The following GSTCD variants were observed in gnomAD, a reference collection of about 807,000 sequenced individuals.
The protein encoded by GSTCD is glutathione S-transferase C-terminal domain containing.
GSTCD carries 44 observed loss-of-function variants against 68.3 expected under a neutral mutation model. The ratio of observed to expected loss-of-function variants is 0.64; its 90% confidence interval spans 0.51 to 0.83. The LOEUF (loss-of-function observed/expected upper bound fraction) is 0.83, where lower values mean the gene tolerates loss of function less well. GSTCD is among the 40% of genes least tolerant of loss of function. The pLI is 0.00. For synonymous variants in GSTCD, 273 were observed against 255.2 expected (o/e 1.07, Z -0.67); for missense variants, 739 against 735.9 (o/e 1.00, Z -0.05).
intron 5 of GSTCD, among the ~76,000 whole-genome samples, chr4:105,739,149 A>G (rs1427911034): frequency 6.6e-6 from 1 of 152,174 alleles, no homozygotes; most frequent in Admixed American, 6.5e-5. Flanking sequence ...ATTGATTTGC[A>G]TATGTTGAAT....
chr4:105,832,695 T>C lies in GSTCD; in HGVS notation c.1531-1766T>C, dbSNP rs79610228. Among the ~76,000 whole-genome samples the C allele has an allele frequency of 1.0e-3, 155 of 152,290 alleles. 2 individuals are homozygous for C. The East Asian group carries it at 0.027, about 27-fold the overall frequency. On this transcript the variant is annotated intron_variant, in intron 8 of 11. Coordinates refer to ENST00000515279, the MANE Select transcript of GSTCD (RefSeq NM_001370181.1). ...TCTAAATTGGAGATAATAAAGTCTT[T>C]CAGGGATGTTGTGAGCATAGTTCTG...
At chr4:105,769,921 T>A (rs1417912113) in intron 5 of GSTCD, among the ~76,000 whole-genome samples, 11 of 152,092 alleles carry the variant, frequency 7.2e-5, no homozygotes, top group Non-Finnish European at 2.9e-5. Context: ...GCCTGCCTAA[T>A]TTTTAAAAAA....
chr4:105,812,664 T>G (rs974373239), intron 5 of GSTCD, among the ~76,000 whole-genome samples: 1 of 152,150 alleles, frequency 6.6e-6, no homozygotes, highest in Non-Finnish European at 1.5e-5. Context: ...TATATATATT[T>G]TTTTTACTAA....
chr4:105,743,815 C>A (rs956353381), intron 5 of GSTCD, among the ~76,000 whole-genome samples: 6 of 151,756 alleles, frequency 4.0e-5, no homozygotes, highest in African/African-American at 1.5e-4. Flanking sequence ...CCCGCCACCA[C>A]GCCCGGCTAA....
chr4:105,771,132 G>A (rs1734829417), intron 5 of GSTCD, among the ~76,000 whole-genome samples: 1 of 151,670 alleles, frequency 6.6e-6, no homozygotes, highest in Non-Finnish European at 1.5e-5. Flanking sequence ...GTGATGATGA[G>A]TTTTTTTTCC....
intron 11 of GSTCD, among the ~76,000 whole-genome samples, chr4:105,843,944 A>T (rs777111437): frequency 1.3e-5 from 2 of 152,118 alleles, no homozygotes; most frequent in Non-Finnish European, 2.9e-5. Context: ...AACGGGGGGA[A>T]TCACATTGAG....
chr4:105,843,382 T>G (rs946383824), intron 11 of GSTCD: 2 of 152,224 alleles, frequency 1.3e-5, no homozygotes, highest in Non-Finnish European at 1.5e-5. Context: ...CAAATACACA[T>G]TTGATGAGAC....
At chr4:105,792,180 A>T (rs2149256255) in intron 5 of GSTCD, among the ~76,000 whole-genome samples, 1 of 152,152 alleles carries the variant, frequency 6.6e-6, no homozygotes, top group South Asian at 2.1e-4. Flanking sequence ...AAAAAATATG[A>T]TGTCAATAAA....
chr4:105,742,589 A>C (rs1271875018), intron 5 of GSTCD, among the ~76,000 whole-genome samples: 1 of 152,212 alleles, frequency 6.6e-6, no homozygotes, highest in African/African-American at 2.4e-5. Flanking sequence ...TATGGAAAGC[A>C]ATTAGCACAG....
At chr4:105,741,860 T>G (rs1449219380) in intron 5 of GSTCD, among the ~76,000 whole-genome samples, 1 of 152,228 alleles carries the variant, frequency 6.6e-6, no homozygotes, top group Non-Finnish European at 1.5e-5. Context: ...TCTGTTAAAG[T>G]AAGGCAGAAT....
chr4:105,758,203 C>T (rs1306777486), intron 5 of GSTCD, among the ~76,000 whole-genome samples: 2 of 152,216 alleles, frequency 1.3e-5, no homozygotes, highest in African/African-American at 4.8e-5. Context: ...AAGTTGCCCT[C>T]AACTTATCAT....
intron 5 of GSTCD, among the ~76,000 whole-genome samples, chr4:105,812,029 G>C (rs1722773877): frequency 6.6e-6 from 1 of 152,188 alleles, no homozygotes; most frequent in Non-Finnish European, 1.5e-5. Flanking sequence ...TGGAAAATCT[G>C]ATCTACAGTT....
intron 1 of GSTCD, among the ~76,000 whole-genome samples, chr4:105,716,799 A>G (rs1337738953): frequency 6.6e-6 from 1 of 152,222 alleles, no homozygotes; most frequent in Non-Finnish European, 1.5e-5. Flanking sequence ...GCAGTGAGCA[A>G]TGAAGAAAGT....
At chr4:105,773,459 G>C (rs1286081753) in intron 5 of GSTCD, among the ~76,000 whole-genome samples, 1 of 152,016 alleles carries the variant, frequency 6.6e-6, no homozygotes, top group African/African-American at 2.4e-5. Flanking sequence ...TTAGGGTGTT[G>C]ATTTTAGATC....
intron 5 of GSTCD, among the ~76,000 whole-genome samples, chr4:105,741,750 A>G (rs758073437): frequency 3.5e-4 from 54 of 152,298 alleles, no homozygotes; most frequent in Non-Finnish European, 3.5e-4. Flanking sequence ...CTATAATTGG[A>G]TCATCTTGTT....
chr4:105,749,701 A>G (rs1378586131), intron 5 of GSTCD, among the ~76,000 whole-genome samples: 1 of 152,066 alleles, frequency 6.6e-6, no homozygotes, highest in Non-Finnish European at 1.5e-5. Flanking sequence ...ATTTTAAACT[A>G]TAAAACTTTA....
chr4:105,780,794 A>G (rs1370485378), intron 5 of GSTCD, among the ~76,000 whole-genome samples: 2 of 152,200 alleles, frequency 1.3e-5, no homozygotes, highest in Non-Finnish European at 2.9e-5. Context: ...AAAGTATAGT[A>G]TATACTATAT....
intron 5 of GSTCD, among the ~76,000 whole-genome samples, chr4:105,784,701 A>G (rs1408163911): frequency 2.6e-5 from 4 of 152,088 alleles, no homozygotes; most frequent in East Asian, 1.9e-4. Flanking sequence ...TCTCTTCCCC[A>G]CTTATCATTT....
chr4:105,714,928 T>A (rs1043863951), intron 1 of GSTCD, among the ~76,000 whole-genome samples: 2 of 152,190 alleles, frequency 1.3e-5, no homozygotes, highest in Non-Finnish European at 2.9e-5. Context: ...GCATACTTTT[T>A]AAAAGAATAT....
Sources: gnomAD v4.1 joint callset for allele counts (sites outside exome capture counted in the v4.1 genomes callset) on GRCh38, gnomAD v4.1.1 for gene constraint, MANE v1.5 for transcripts, NCBI Gene and HGNC (gene_info 2026-07-23, HGNC 2026-07-21) for gene names.